CACNA2D1: variants seen among roughly 807,000 people sequenced by gnomAD.
CACNA2D1 encodes voltage-dependent calcium channel subunit alpha-2/delta-1.
CACNA2D1 carries 53 observed loss-of-function variants against 171.5 expected under a neutral mutation model. That is an observed-to-expected ratio of 0.31 (90% CI 0.25 to 0.39). The LOEUF (loss-of-function observed/expected upper bound fraction) is 0.39. Ranked by LOEUF, CACNA2D1 falls within the 10% of genes least tolerant of loss-of-function variation. The pLI is 1.00. For synonymous variants in CACNA2D1, 442 were observed against 443.1 expected (o/e 1.00, Z 0.03); for missense variants, 903 against 1,299.8 (o/e 0.69, Z 4.69).
intron 10 of CACNA2D1, among the ~76,000 whole-genome samples, chr7:82,039,308 G>A (rs1393617035): frequency 1.3e-5 from 2 of 152,056 alleles, no homozygotes; most frequent in Non-Finnish European, 2.9e-5. Context: ...ACATTGCACA[G>A]TTCATCAGTT....
intron 3 of CACNA2D1, among the ~76,000 whole-genome samples, chr7:82,258,817 C>CTTTTTTTT (rs201927487): frequency 0.014 from 1,009 of 72,498 alleles, 148 homozygotes; most frequent in African/African-American, 0.02. Flanking sequence ...TCTTACTTTT[C>CTTTTTTTT]TTTTTTTTTT....
intron 4 of CACNA2D1, among the ~76,000 whole-genome samples, chr7:82,149,815 G>C (rs1793600810): frequency 6.6e-6 from 1 of 150,936 alleles, no homozygotes; most frequent in African/African-American, 2.4e-5. Flanking sequence ...ACATTAGCTG[G>C]GTGTGGTGGT....
At chr7:82,179,962 G>C (rs1796947889) in intron 3 of CACNA2D1, among the ~76,000 whole-genome samples, 2 of 151,458 alleles carry the variant, frequency 1.3e-5, no homozygotes, top group African/African-American at 2.4e-5. Context: ...CCATAATAAA[G>C]TTATTGGAAA....
At chr7:82,443,253 C>T (rs1341793622) in intron 1 of CACNA2D1, 112 bp downstream of exon 1, 1 of 1,070,684 alleles carries the variant, frequency 9.3e-7, no homozygotes. Context: ...TCCCCGGCCG[C>T]TCGCTCCCCA....
At chr7:82,005,931 G>T (rs896777712) in intron 16 of CACNA2D1, 92 bp from the exon 17 acceptor site, 1 of 798,586 alleles carries the variant, frequency 1.3e-6, no homozygotes, top group Non-Finnish European at 2.3e-6. Flanking sequence ...TTGCATTATG[G>T]TTATATTCCA....
At chr7:82,432,533 A>AT (rs1368873468) in intron 1 of CACNA2D1, among the ~76,000 whole-genome samples, 3 of 152,192 alleles carry the variant, frequency 2.0e-5, no homozygotes, top group African/African-American at 7.2e-5. Context: ...TTGTTTAGAG[A>AT]TGAGCCTATG....
At chr7:82,004,391 C>T (rs986291505) in intron 18 of CACNA2D1, among the ~76,000 whole-genome samples, 3 of 151,592 alleles carry the variant, frequency 2.0e-5, no homozygotes, top group Non-Finnish European at 2.9e-5. Context: ...TATGGAAATA[C>T]GTTCCAAAGT....
intron 3 of CACNA2D1, among the ~76,000 whole-genome samples, chr7:82,291,707 G>A (rs1270879989): frequency 1.4e-5 from 2 of 145,764 alleles, no homozygotes; most frequent in Non-Finnish European, 3.0e-5. Flanking sequence ...GTCTCACTAT[G>A]TTGCCCAGGC....
chr7:82,060,491 G>A lies in CACNA2D1; in HGVS notation c.816C>T (p.Ile272=). Residue 272 remains isoleucine (I), a synonymous_variant, in exon 10 of 39, where the codon ATC becomes ATT. Coordinates refer to ENST00000356860, the MANE Select transcript of CACNA2D1 (RefSeq NM_000722.4). ...CTAACATTTCGGAGACAGATGTTCG[G>A]ATCAGTTTAAGTGTCAATCCACTAA... ...GSVSGLTLKL[I]RTSVSEMLET... 1 of 1,609,698 alleles carries A rather than the reference G, an allele frequency of 6.2e-7. No individual in the cohort carries two copies. The highest frequency in any genetic ancestry group is 8.5e-7 in the Non-Finnish European group (1 of 1,178,008).
chr7:82,149,465 C>T (rs1793536143), intron 4 of CACNA2D1, among the ~76,000 whole-genome samples: 1 of 151,948 alleles, frequency 6.6e-6, no homozygotes, highest in African/African-American at 2.4e-5. Flanking sequence ...TCCCTAGGAA[C>T]CCTGGGGAGG....
At chr7:82,370,458 ATAAT>A (rs1232101855) in intron 1 of CACNA2D1, among the ~76,000 whole-genome samples, 2 of 152,064 alleles carry the variant, frequency 1.3e-5, no homozygotes, top group African/African-American at 4.8e-5. Context: ...AACCAATTAA[ATAAT>A]TAAAATACAC....
intron 1 of CACNA2D1, among the ~76,000 whole-genome samples, chr7:82,407,710 A>G (rs1306780909): frequency 6.6e-6 from 1 of 152,206 alleles, no homozygotes; most frequent in East Asian, 1.9e-4. Flanking sequence ...AGTGTATTAA[A>G]TAAGAGTTCT....
intron 24 of CACNA2D1, among the ~76,000 whole-genome samples, chr7:81,980,426 T>C (rs926344790): frequency 2.0e-5 from 3 of 152,092 alleles, no homozygotes; most frequent in Admixed American, 1.3e-4. Context: ...TTAAAATTGA[T>C]AGCTGATCTA....
intron 3 of CACNA2D1, among the ~76,000 whole-genome samples, chr7:82,214,336 C>T (rs912829473): frequency 6.6e-6 from 1 of 152,148 alleles, no homozygotes; most frequent in African/African-American, 2.4e-5. Flanking sequence ...ATGTATGATA[C>T]AATTCAATAG....
At chr7:82,101,781 G>A (rs190067047) in intron 6 of CACNA2D1, among the ~76,000 whole-genome samples, 7 of 152,162 alleles carry the variant, frequency 4.6e-5, no homozygotes, top group Admixed American at 4.6e-4. Context: ...ACCAATTCAG[G>A]TTAAATTCAA....
chr7:82,168,255 T>C (rs796148353), intron 4 of CACNA2D1, among the ~76,000 whole-genome samples: 4 of 152,208 alleles, frequency 2.6e-5, no homozygotes, highest in African/African-American at 9.6e-5. Flanking sequence ...GTGATTCTCC[T>C]GCCTCAGCCT....
chr7:82,102,771 A>G (rs1812836317), intron 6 of CACNA2D1, among the ~76,000 whole-genome samples: 1 of 152,136 alleles, frequency 6.6e-6, no homozygotes, highest in South Asian at 2.1e-4. Flanking sequence ...TTCCACCTAT[A>G]ACCAATGGAA....
At chr7:82,063,716 T>C (rs1309211216) in intron 9 of CACNA2D1, among the ~76,000 whole-genome samples, 1 of 152,178 alleles carries the variant, frequency 6.6e-6, no homozygotes. Context: ...CTTTTCAATT[T>C]CTACATCTTC....
intron 4 of CACNA2D1, among the ~76,000 whole-genome samples, chr7:82,168,579 C>A (rs1795703616): frequency 6.6e-6 from 1 of 151,900 alleles, no homozygotes; most frequent in Non-Finnish European, 1.5e-5. Context: ...GTTGTGGTTA[C>A]CCATTACCTC....
Sources: gnomAD v4.1 joint callset for allele counts (sites outside exome capture counted in the v4.1 genomes callset) on GRCh38, gnomAD v4.1.1 for gene constraint, MANE v1.5 for transcripts, NCBI Gene and HGNC (gene_info 2026-07-23, HGNC 2026-07-21) for gene names.